The following ZMYND8 variants were observed in gnomAD, a reference collection of about 807,000 sequenced individuals.
The protein encoded by ZMYND8 is zinc finger MYND-type containing 8, also known as MYND-type zinc finger-containing chromatin reader ZMYND8.
In ZMYND8, 37 loss-of-function variants were observed where a neutral mutation model predicts 140.8. That is an observed-to-expected ratio of 0.26 (90% CI 0.20 to 0.35). ZMYND8 has a LOEUF of 0.35. Among genes scored for constraint, ZMYND8 ranks in the 10% least tolerant of loss-of-function variants. The probability of loss-of-function intolerance (pLI) is 1.00; values close to 1 mark genes in which losing one functional copy is unlikely to be tolerated. For synonymous variants in ZMYND8, 592 were observed against 597.1 expected (o/e 0.99, Z 0.12); for missense variants, 1,068 against 1,570.0 (o/e 0.68, Z 5.40).
chr20:47,254,945 G>C (rs2074476649), intron 12 of ZMYND8, among the ~76,000 whole-genome samples: 1 of 152,052 alleles, frequency 6.6e-6, no homozygotes, highest in Non-Finnish European at 1.5e-5. Context: ...TGGCCAACAC[G>C]GTGAAACCCC....
At chr20:47,224,146 G>A (rs1361842425) in intron 19 of ZMYND8, among the ~76,000 whole-genome samples, 171 bp downstream of exon 19, 2 of 152,344 alleles carry the variant, frequency 1.3e-5, no homozygotes, top group African/African-American at 4.8e-5. Flanking sequence ...TTTTAGCTAT[G>A]TGCCTGCACA....
intron 15 of ZMYND8, among the ~76,000 whole-genome samples, chr20:47,237,144 A>G: frequency 6.9e-6 from 1 of 145,728 alleles, no homozygotes; most frequent in Non-Finnish European, 1.5e-5. Context: ...ACTTTTTGGC[A>G]GCGCTCTTTT....
At chr20:47,352,473 G>A (rs1426497947) in intron 1 of ZMYND8, 7 of 985,306 alleles carry the variant, frequency 7.1e-6, no homozygotes, top group Non-Finnish European at 8.4e-6. Context: ...CAATGCACAG[G>A]ATACTCACAA....
intron 15 of ZMYND8, among the ~76,000 whole-genome samples, chr20:47,236,996 C>A (rs1400481186): frequency 6.6e-6 from 1 of 152,188 alleles, no homozygotes; most frequent in Non-Finnish European, 1.5e-5. Context: ...TGTCCAGTCA[C>A]CCCTGTACAA....
intron 3 of ZMYND8, among the ~76,000 whole-genome samples, chr20:47,304,643 A>T (rs568717326): frequency 1.3e-5 from 2 of 152,366 alleles, no homozygotes; most frequent in South Asian, 4.1e-4. Flanking sequence ...TGAGTGAAAA[A>T]AACCATAGCT....
intron 1 of ZMYND8, chr20:47,356,282 G>T: frequency 8.3e-7 from 1 of 1,199,300 alleles, no homozygotes; most frequent in Non-Finnish European, 1.1e-6. Flanking sequence ...GGGTGGGAGG[G>T]GGGGAACTGC....
At position 47,298,176 on chromosome 20, in the gene ZMYND8, T is replaced by A. The variant is rs1412550733; in HGVS notation, c.453+553A>T. 1 of 803,854 alleles carries A rather than the reference T, an allele frequency of 1.2e-6. No individual in the cohort carries two copies. Among genetic ancestry groups the A allele is most frequent in the Non-Finnish European group, 1.5e-6 (1 of 664,664 alleles). The allele number at this position is 803,854 out of a possible 1,614,324, so 49.8% of individuals were successfully genotyped here. ...TTATTTATTTTGGTTTTTGTCCTTT[T>A]CTGCTGGAAAAAAAAAAATGATCCA... On this transcript the variant is annotated intron_variant, in intron 4 of 22. Transcript: ENST00000471951. The surrounding 1 kb of genome is among the most constrained non-coding windows in gnomAD (Gnocchi z 5.0).
At chr20:47,215,852 T>C (rs1326191206) in intron 21 of ZMYND8, among the ~76,000 whole-genome samples, 1 of 152,214 alleles carries the variant, frequency 6.6e-6, no homozygotes, top group Non-Finnish European at 1.5e-5. Context: ...GCTACCATAG[T>C]GGACAGTGCA....
At chr20:47,349,549 T>C (rs2082603131) in intron 1 of ZMYND8, among the ~76,000 whole-genome samples, 1 of 152,216 alleles carries the variant, frequency 6.6e-6, no homozygotes, top group Non-Finnish European at 1.5e-5. Flanking sequence ...GCCTGAAACA[T>C]ACACAGGTTG....
intron 21 of ZMYND8, 137 bp downstream of exon 21, chr20:47,220,121 A>ACCCCCCCCCCCCCCCC: frequency 3.2e-6 from 2 of 633,490 alleles, no homozygotes; most frequent in South Asian, 2.1e-5. Context: ...CCACTGACCC[A>ACCCCCCCCCCCCCCCC]CCCCAGGCAC....
chr20:47,356,574 C>A, intron 1 of ZMYND8, 83 bp downstream of exon 1: 1 of 1,613,680 alleles, frequency 6.2e-7, no homozygotes, highest in Non-Finnish European at 8.5e-7. Context: ...GCACGGCCAG[C>A]CACAGAGAAA....
At chr20:47,272,971 A>G (rs1461760383) in intron 11 of ZMYND8, among the ~76,000 whole-genome samples, 2 of 152,192 alleles carry the variant, frequency 1.3e-5, no homozygotes, top group Non-Finnish European at 2.9e-5. Flanking sequence ...TGCTATTATC[A>G]CTGCTAACAG....
chr20:47,347,951 T>C (rs756617154), intron 1 of ZMYND8, 25 bp from the exon 2 acceptor site: 4 of 1,612,604 alleles, frequency 2.5e-6, no homozygotes, highest in Admixed American at 3.3e-5. Context: ...ATTATGTTCA[T>C]GTTTAGGAAG....
intron 10 of ZMYND8, among the ~76,000 whole-genome samples, chr20:47,279,350 A>G (rs2076455625): frequency 6.6e-6 from 1 of 152,050 alleles, no homozygotes; most frequent in Non-Finnish European, 1.5e-5. Flanking sequence ...CGCCCCTGTA[A>G]TACCAGCTAC....
At chr20:47,293,231 GGAGGGAAGGACA>G (rs2077418182) in intron 5 of ZMYND8, among the ~76,000 whole-genome samples, 2 of 118,854 alleles carry the variant, frequency 1.7e-5, no homozygotes, top group Admixed American at 1.7e-4. Context: ...AGGGAGGGAG[GGAGGGAAGGACA>G]GAGGGAGGGA....
chr20:47,309,738 C>T (rs893082371), intron 3 of ZMYND8, among the ~76,000 whole-genome samples: 3 of 151,736 alleles, frequency 2.0e-5, no homozygotes, highest in Non-Finnish European at 4.4e-5. Context: ...ACTCCTCAGG[C>T]CACATGGGGA....
chr20:47,315,221 C>T (rs1180161675), intron 2 of ZMYND8, among the ~76,000 whole-genome samples: 1 of 152,130 alleles, frequency 6.6e-6, no homozygotes, highest in Non-Finnish European at 1.5e-5. Flanking sequence ...TTCTGCTCAG[C>T]AAGAGGTAGG....
chr20:47,228,443 G>A (rs987451797), intron 17 of ZMYND8, among the ~76,000 whole-genome samples: 9 of 152,086 alleles, frequency 5.9e-5, no homozygotes, highest in Admixed American at 2.0e-4. Flanking sequence ...AAAAAATTCT[G>A]GCATACATCC....
intron 11 of ZMYND8, among the ~76,000 whole-genome samples, chr20:47,271,425 C>A (rs2075939238): frequency 6.6e-6 from 1 of 152,200 alleles, no homozygotes; most frequent in Admixed American, 6.5e-5. Context: ...AAAGTCCGCA[C>A]CCCTTGGGTT....
Sources: gnomAD v4.1 joint callset for allele counts (sites outside exome capture counted in the v4.1 genomes callset) on GRCh38, gnomAD v4.1.1 for gene constraint, Gnocchi (gnomAD v3.1) non-coding constraint, MANE v1.5 for transcripts, NCBI Gene and HGNC (gene_info 2026-07-23, HGNC 2026-07-21) for gene names.